TNFSF8: variants seen among roughly 807,000 people sequenced by gnomAD.
TNFSF8 encodes TNF superfamily member 8, also known as tumor necrosis factor ligand superfamily member 8.
TNFSF8 carries 4 observed loss-of-function variants against 22.0 expected under a neutral mutation model. The ratio of observed to expected loss-of-function variants is 0.18; its 90% CI spans 0.09 to 0.42. The LOEUF is 0.42. Ranked by LOEUF, TNFSF8 falls within the 10% of genes least tolerant of loss-of-function variation. The pLI is 1.00. For synonymous variants in TNFSF8, 106 were observed against 112.5 expected, an observed-to-expected ratio of 0.94 and a Z score of 0.37; for missense variants, 233 against 281.8, an observed-to-expected ratio of 0.83 and a Z score of 1.24.
intron 2 of TNFSF8, 119 bp from the exon 3 acceptor site, chr9:114,906,018 A>G: frequency 1.5e-6 from 1 of 666,836 alleles, no homozygotes; most frequent in East Asian, 2.7e-5. Context: ...CCATTTTCAG[A>G]ATAAGGAGAA....
rs555018025 is a variant in TNFSF8, at chr9:114,902,666, C to A, written c.*1265G>T. The A allele has an allele frequency of 1.0e-6, 1 of 985,344 alleles. No individual in the cohort carries two copies. The highest frequency in any genetic ancestry group is 1.1e-4 in the East Asian group (1 of 8,796). The allele number at this position is 985,344 out of a possible 1,614,324, so 61.0% of individuals were successfully genotyped here. A position where few individuals can be genotyped will look rare whatever the true frequency, so the allele number is the denominator to read the frequency against. On this transcript the variant is annotated 3_prime_UTR_variant, in exon 4 of 4. Coordinates refer to ENST00000223795, the MANE Select transcript of TNFSF8 (RefSeq NM_001244.4). ...TGCAGTCAGGTGTTACTAGTGTCTT[C>A]AATTATATACTGGGGTAGGGGGGCC...
Position 114,905,876 on chromosome 9 carries a change from A to G in TNFSF8, c.262T>C (p.Cys88Arg), listed in dbSNP as rs1384682652. ...KGGNCSEDLL[C>R]ILKRAPFKKS... ...TTGAATGGAGCCCTTTTCAGGATAC[A>G]TAAGAGGTCTTCTGAGCAATTTCCT... is the stretch of plus-strand genomic sequence containing the variant. Residue 88 changes from cysteine to arginine, a missense_variant, in exon 3 of 4, where the codon TGT becomes CGT. By Grantham distance (180) the Cys-to-Arg change is radical. Coordinates refer to ENST00000223795, the MANE Select transcript of TNFSF8 (RefSeq NM_001244.4). 6 of 1,612,338 alleles carry G rather than the reference A, an allele frequency of 3.7e-6. No individual in the cohort carries two copies. Among genetic ancestry groups the G allele is most frequent in the Non-Finnish European group, 5.1e-6 (6 of 1,178,512 alleles).
Position 114,902,744 on chromosome 9 carries a change from G to A in TNFSF8, c.*1187C>T. The A allele has an allele frequency of 1.0e-6, 1 of 985,412 alleles. No individual in the cohort carries two copies. Among genetic ancestry groups the A allele is most frequent in the Non-Finnish European group, 1.2e-6 (1 of 829,932 alleles). 61.0% of individuals were successfully genotyped at this position (985,412 alleles called of 1,614,324 possible). On this transcript the variant is annotated 3_prime_UTR_variant, in exon 4 of 4. Coordinates refer to ENST00000223795, the MANE Select transcript of TNFSF8 (RefSeq NM_001244.4). ...TGTGTCTGGAATCTCAGTTCCCAGG[G>A]TCTGGTCTTCTGAGATGGAAGAGGT...
chr9:114,919,236 T>C (rs1024042573), intron 1 of TNFSF8, among the ~76,000 whole-genome samples: 2 of 152,086 alleles, frequency 1.3e-5, no homozygotes, highest in Non-Finnish European at 2.9e-5. Flanking sequence ...TATACACATG[T>C]AGTATACATA....
At chr9:114,925,549 T>C (rs1026942041) in intron 1 of TNFSF8, among the ~76,000 whole-genome samples, 1 of 152,072 alleles carries the variant, frequency 6.6e-6, no homozygotes, top group African/African-American at 2.4e-5. Context: ...ATCAGGTGTG[T>C]TTACCCTACA....
downstream of TNFSF8, among the ~76,000 whole-genome samples, chr9:114,898,360 T>C (rs1827678864): frequency 6.6e-6 from 1 of 152,174 alleles, no homozygotes; most frequent in Non-Finnish European, 1.5e-5. Context: ...GCAGGAAAAG[T>C]CATAACATGT....
chr9:114,907,297 G>T (rs774050661), intron 2 of TNFSF8, among the ~76,000 whole-genome samples: 1 of 152,174 alleles, frequency 6.6e-6, no homozygotes, highest in Non-Finnish European at 1.5e-5. Flanking sequence ...CAGTGGGTCA[G>T]CTGTCATCCC....
intron 4 of TNFSF8, among the ~76,000 whole-genome samples, chr9:114,895,913 C>T (rs1210283735): frequency 6.6e-6 from 1 of 152,184 alleles, no homozygotes; most frequent in Non-Finnish European, 1.5e-5. Context: ...CAGATTATTC[C>T]TAGTGTTGCC....
chr9:114,898,669 T>G (rs1277549333), downstream of TNFSF8, among the ~76,000 whole-genome samples: 14 of 152,116 alleles, frequency 9.2e-5, no homozygotes, highest in Admixed American at 9.2e-4. Flanking sequence ...GTGAGGTCAG[T>G]TTGTACATGT....
At position 114,918,545 on chromosome 9, in the gene TNFSF8, G is replaced by A. The variant is rs570203604; in HGVS notation, c.196-407C>T. Among the ~76,000 whole-genome samples, 9 of 151,968 alleles carry A rather than the reference G, an allele frequency of 5.9e-5. No individual in the cohort carries two copies. The East Asian group carries it at 1.5e-3, about 26-fold the overall frequency. ...GGTCACTGCAGCTTCATCCTCCTGA[G>A]TTCAAGCGATCCTCTTGCCTCAGCT... On this transcript the variant is annotated intron_variant, in intron 1 of 3. Transcript: ENST00000223795.
chr9:114,904,288 G>A lies in TNFSF8; in HGVS notation c.348C>T (p.Asn116=). 1 of 1,612,360 alleles carries A rather than the reference G, an allele frequency of 6.2e-7. No homozygotes were observed. The highest frequency in any genetic ancestry group is 8.5e-7 in the Non-Finnish European group (1 of 1,178,906). ...TGACTCCATGGAGAATGCCATCTTT[G>A]TTCCAAGACAACTTGGTTTTGTTTA... ...KHLNKTKLSW[N]KDGILHGVRY... is the part of the protein sequence containing the mutation. Residue 116 remains asparagine (N), a synonymous_variant, in exon 4 of 4, where the codon AAC becomes AAT. Coordinates refer to ENST00000223795, the MANE Select transcript of TNFSF8 (RefSeq NM_001244.4).
chr9:114,913,881 C>T (rs1441699057), intron 2 of TNFSF8, among the ~76,000 whole-genome samples: 2 of 152,206 alleles, frequency 1.3e-5, no homozygotes, highest in African/African-American at 4.8e-5. Context: ...GTTCATTATT[C>T]TCACTCTGCC....
chr9:114,916,499 T>C (rs967259947), intron 2 of TNFSF8, among the ~76,000 whole-genome samples: 1 of 152,162 alleles, frequency 6.6e-6, no homozygotes, highest in Non-Finnish European at 1.5e-5. Context: ...TGTCAAAAAA[T>C]GAAAAGTTTC....
chr9:114,901,011 C>T (rs866977423), downstream of TNFSF8: 2 of 980,606 alleles, frequency 2.0e-6, no homozygotes, highest in Middle Eastern at 1.0e-3. Flanking sequence ...CCATCTTCCT[C>T]TACAAGTTCT....
chr9:114,893,809 G>A, exon 5 of TNFSF8: 1 of 408,636 alleles, frequency 2.4e-6, no homozygotes, highest in Non-Finnish European at 4.6e-6. Context: ...TACATTTTGG[G>A]AAGTGATTAA....
intron 2 of TNFSF8, 141 bp from the exon 3 acceptor site, chr9:114,906,040 T>A: frequency 1.7e-6 from 1 of 596,884 alleles, no homozygotes; most frequent in Middle Eastern, 4.5e-4. Context: ...AGCTCTTTAT[T>A]TCTCATTTTG....
chr9:114,904,179 T>C lies in TNFSF8; in HGVS notation c.457A>G (p.Asn153Asp), dbSNP rs570720854. ...TCCAACTTCAGATCGACAGAATTAT[T>C]TGGGCATTGTACAAGAAACTGCAGT... Reference protein sequence around the residue: ...CQLQFLVQCPNNSVDLKLELL... With the variant: ...CQLQFLVQCPDNSVDLKLELL... The change falls in exon 4 of 4, where the codon AAT (asparagine) becomes GAT (aspartate). Residue 153 changes from asparagine to aspartate, a missense_variant. Physicochemically the swap from Asn to Asp is conservative, Grantham distance 23. Transcript: ENST00000223795. 3.0e-5 allele frequency: 48 copies of C among 1,614,132 alleles called. No individual in the cohort carries two copies. Among genetic ancestry groups the C allele is most frequent in the African/African-American group, 6.7e-5 (5 of 75,054 alleles).
chr9:114,926,571 A>G (rs1828062933), intron 1 of TNFSF8, among the ~76,000 whole-genome samples: 1 of 152,252 alleles, frequency 6.6e-6, no homozygotes, highest in Non-Finnish European at 1.5e-5. Context: ...ATTATGAAGC[A>G]TTTACACTTC....
Position 114,902,424 on chromosome 9 carries a change from C to G in TNFSF8, c.*1507G>C. Reference sequence around the variant, plus strand: ...TGCTAAAGGCACAATGCTTTCCTGACCAGAAATGAAAAATGCCTGCTGCTC... The same window carrying G: ...TGCTAAAGGCACAATGCTTTCCTGAGCAGAAATGAAAAATGCCTGCTGCTC... On this transcript the variant is annotated 3_prime_UTR_variant, in exon 4 of 4. Transcript: ENST00000223795. The G allele has an allele frequency of 3.0e-6, 3 of 985,382 alleles. No individual in the cohort carries two copies. The highest frequency in any genetic ancestry group is 3.6e-6 in the Non-Finnish European group (3 of 829,914). The allele number at this position is 985,382 out of a possible 1,614,324, so 61.0% of individuals were successfully genotyped here. A position where few individuals can be genotyped will look rare whatever the true frequency, so the allele number is the denominator to read the frequency against.
Sources: allele counts gnomAD v4.1 joint callset (sites outside exome capture counted in the v4.1 genomes callset), GRCh38; gene constraint gnomAD v4.1.1; transcripts MANE v1.5; gene names NCBI Gene and HGNC (gene_info 2026-07-23, HGNC 2026-07-21).